Variants in PRKAG2 observed in about 807,000 individuals in gnomAD.
PRKAG2 encodes the protein protein kinase AMP-activated non-catalytic subunit gamma 2, also known as 5'-AMP-activated protein kinase subunit gamma-2.
Under a neutral mutation model 69.6 loss-of-function variants are expected in PRKAG2, and 26 were observed. That is an observed-to-expected ratio of 0.37 (90% CI 0.27 to 0.52). PRKAG2 has a LOEUF of 0.52. PRKAG2 is among the 20% of genes least tolerant of loss of function. The pLI is 0.90. For synonymous variants in PRKAG2, 293 were observed against 285.0 expected, an observed-to-expected ratio of 1.03 and a Z score of -0.28; for missense variants, 557 against 740.0, an observed-to-expected ratio of 0.75 and a Z score of 2.87.
Position 151,699,568 on chromosome 7 carries a change from A to G in PRKAG2, c.467-23931T>C, listed in dbSNP as rs1837316164. Among the ~76,000 whole-genome samples, 1 of 152,246 alleles carries G rather than the reference A, an allele frequency of 6.6e-6. No homozygotes were observed. Among genetic ancestry groups the G allele is most frequent in the African/African-American group, 2.4e-5 (1 of 41,458 alleles). ...TTCAGACTACTTTTGCTTTGAAATA[A>G]ATCAGTGAATCAATGAGATGAGAAG... is the stretch of plus-strand genomic sequence containing the variant. On this transcript the variant is annotated intron_variant, in intron 3 of 15. Coordinates refer to ENST00000287878, the MANE Select transcript of PRKAG2 (RefSeq NM_016203.4). This position sits in a 1 kb window ranked among gnomAD's most constrained non-coding sequence, Gnocchi z 4.5.
At chr7:151,868,417 C>T (rs996422275) in intron 1 of PRKAG2, among the ~76,000 whole-genome samples, 2 of 152,208 alleles carry the variant, frequency 1.3e-5, no homozygotes, top group Admixed American at 6.5e-5. Context: ...TGGTTAAGCC[C>T]GAAGGACGCA....
chr7:151,766,833 G>T (rs1310496590), intron 3 of PRKAG2, among the ~76,000 whole-genome samples: 2 of 152,206 alleles, frequency 1.3e-5, no homozygotes, highest in Admixed American at 1.3e-4. Flanking sequence ...GGCCTGTGTT[G>T]TTCCATTCAG....
At chr7:151,786,055 G>A (rs184363521) in intron 2 of PRKAG2, among the ~76,000 whole-genome samples, 401 of 152,332 alleles carry the variant, frequency 2.6e-3, no homozygotes, top group African/African-American at 8.8e-3. Flanking sequence ...AGAGCCCAGC[G>A]CTGGGGGTGG....
intron 1 of PRKAG2, among the ~76,000 whole-genome samples, chr7:151,805,179 C>A (rs2078039670): frequency 6.6e-6 from 1 of 152,308 alleles, no homozygotes; most frequent in East Asian, 1.9e-4. Context: ...TGAGAAGGAA[C>A]CTCGCAGTTC....
intron 4 of PRKAG2, among the ~76,000 whole-genome samples, chr7:151,648,169 G>T (rs1827868672): frequency 6.6e-6 from 1 of 152,044 alleles, no homozygotes; most frequent in African/African-American, 2.4e-5. Flanking sequence ...AGAGATTTTT[G>T]ATTCATCAGC....
At chr7:151,633,990 C>T (rs1008257936) in intron 4 of PRKAG2, among the ~76,000 whole-genome samples, 1 of 152,138 alleles carries the variant, frequency 6.6e-6, no homozygotes, top group African/African-American at 2.4e-5. Context: ...AGTGCAGTGG[C>T]GCAACCTCGG....
chr7:151,858,465 C>T lies in PRKAG2; in HGVS notation c.114+18042G>A, dbSNP rs73728428. The stretch of plus-strand genomic sequence containing the variant: ...TCGGTATCCAGGTGTCATAAAGATA[C>T]GTGTCAGGGATTGGACTAGGTAAGC... On this transcript the variant is annotated intron_variant, in intron 1 of 15. Coordinates refer to ENST00000287878, the MANE Select transcript of PRKAG2 (RefSeq NM_016203.4). Among the ~76,000 whole-genome samples, 455 of 152,318 alleles carry T rather than the reference C, an allele frequency of 3.0e-3. 2 individuals carry two copies. Among genetic ancestry groups the T allele is most frequent in the African/African-American group, 0.01 (430 of 41,546 alleles).
chr7:151,818,772 G>T (rs2078704401), intron 1 of PRKAG2, among the ~76,000 whole-genome samples: 1 of 152,244 alleles, frequency 6.6e-6, no homozygotes, highest in African/African-American at 2.4e-5. Flanking sequence ...TGGCAGCTGG[G>T]GATTCGGGGC....
chr7:151,816,451 T>A (rs1367749494), intron 1 of PRKAG2, among the ~76,000 whole-genome samples: 2 of 152,232 alleles, frequency 1.3e-5, no homozygotes, highest in Non-Finnish European at 2.9e-5. Context: ...GATCAGTCAT[T>A]TCTCTGAACC....
At chr7:151,787,640 T>G (rs1586536626) in intron 1 of PRKAG2, among the ~76,000 whole-genome samples, 1 of 152,292 alleles carries the variant, frequency 6.6e-6, no homozygotes. Flanking sequence ...TTCTGACTAT[T>G]GTGAATAACG....
At chr7:151,857,706 G>A (rs1256726511) in intron 1 of PRKAG2, among the ~76,000 whole-genome samples, 1 of 152,200 alleles carries the variant, frequency 6.6e-6, no homozygotes, top group Non-Finnish European at 1.5e-5. Context: ...ACCCACGCAT[G>A]CTGAGGACCT....
chr7:151,713,271 C>A (rs114123226), intron 3 of PRKAG2, among the ~76,000 whole-genome samples: 1 of 152,212 alleles, frequency 6.6e-6, no homozygotes, highest in East Asian at 1.9e-4. Context: ...CTGGGAATGG[C>A]GAGAATTGTG....
chr7:151,696,263 G>A (rs1465305332), intron 3 of PRKAG2, among the ~76,000 whole-genome samples: 2 of 152,226 alleles, frequency 1.3e-5, no homozygotes, highest in Non-Finnish European at 2.9e-5. Context: ...AGGAAAACGT[G>A]GCGCGCCCGG....
chr7:151,610,902 C>T (rs1043769266), intron 5 of PRKAG2, among the ~76,000 whole-genome samples: 17 of 151,594 alleles, frequency 1.1e-4, no homozygotes, highest in Admixed American at 2.6e-4. Flanking sequence ...CAGGCGCCCA[C>T]CCCCATGCCT....
At chr7:151,636,935 C>A (rs1238262166) in intron 4 of PRKAG2, among the ~76,000 whole-genome samples, 2 of 152,144 alleles carry the variant, frequency 1.3e-5, no homozygotes, top group African/African-American at 2.4e-5. Context: ...GAACTCCTGA[C>A]CTCAGGTGAT....
At chr7:151,649,997 C>T (rs1006647348) in intron 4 of PRKAG2, among the ~76,000 whole-genome samples, 1 of 152,168 alleles carries the variant, frequency 6.6e-6, no homozygotes, top group Non-Finnish European at 1.5e-5. Context: ...ACACACACCC[C>T]TGTATGTGTT....
chr7:151,861,452 C>T (rs376254869), intron 1 of PRKAG2, among the ~76,000 whole-genome samples: 1 of 140,724 alleles, frequency 7.1e-6, no homozygotes. Context: ...TGGTTGAACC[C>T]GGGAGGCTGA....
At chr7:151,692,639 C>T (rs572527712) in intron 3 of PRKAG2, among the ~76,000 whole-genome samples, 6 of 152,196 alleles carry the variant, frequency 3.9e-5, no homozygotes, top group African/African-American at 9.6e-5. Flanking sequence ...CAACAGTGCC[C>T]TAACATGAGT....
chr7:151,855,396 C>CCTCCA (rs542078680), intron 1 of PRKAG2, among the ~76,000 whole-genome samples: 8 of 12,750 alleles, frequency 6.3e-4, no homozygotes, highest in Non-Finnish European at 9.2e-4. Context: ...CACACACCAT[C>CCTCCA]CACACACCAC....
Sources: allele counts gnomAD v4.1 joint callset (sites outside exome capture counted in the v4.1 genomes callset), GRCh38; gene constraint gnomAD v4.1.1; non-coding constraint Gnocchi (gnomAD v3.1); transcripts MANE v1.5; gene names NCBI Gene and HGNC (gene_info 2026-07-23, HGNC 2026-07-21).